TRIML1: variants seen among roughly 807,000 people sequenced by gnomAD.
TRIML1 encodes tripartite motif family like 1, also known as probable E3 ubiquitin-protein ligase TRIML1.
Under a neutral mutation model 32.3 loss-of-function variants are expected in TRIML1, and 34 were observed. The ratio of observed to expected loss-of-function variants is 1.05; its 90% CI spans 0.80 to 1.40. The LOEUF (loss-of-function observed/expected upper bound fraction) is 1.40, where lower values mean the gene tolerates loss of function less well. Among genes scored for constraint, TRIML1 ranks in the 40% most tolerant of loss-of-function variants. The pLI is 0.00. For synonymous variants in TRIML1, 244 were observed against 226.6 expected (o/e 1.08, Z -0.69); for missense variants, 595 against 574.9 (o/e 1.03, Z -0.36).
chr4:188,147,165 C>T lies in TRIML1; in HGVS notation c.1200C>T (p.Val400=). The change falls in exon 6 of 6, where the codon GTC becomes GTT. Residue 400 remains valine (V), a synonymous_variant. Transcript: ENST00000332517. ...WVSSPLKGQH[V]REPVCKVGVF... is the part of the protein sequence containing the mutation. ...CGTCACCTTTGAAAGGTCAGCACGT[C>T]AGAGAGCCTGTGTGTAAGGTTGGTG... The T allele has an allele frequency of 6.2e-7, 1 of 1,614,068 alleles. No individual in the cohort carries two copies. Among genetic ancestry groups the T allele is most frequent in the Non-Finnish European group, 8.5e-7 (1 of 1,180,004 alleles).
Position 188,139,771 on chromosome 4 carries a change from G to C in TRIML1, c.213G>C (p.Leu71=). The C allele has an allele frequency of 6.2e-7, 1 of 1,613,962 alleles. No individual in the cohort carries two copies. The highest frequency in any genetic ancestry group is 8.5e-7 in the Non-Finnish European group (1 of 1,180,012). Reference sequence around the variant, plus strand: ...CGCATTTCCAGTCAAACGAGCGTCTGGGGAGGCTGGCCAGCATCGCCAGGC... The same window carrying C: ...CGCATTTCCAGTCAAACGAGCGTCTCGGGAGGCTGGCCAGCATCGCCAGGC... ...EGPHFQSNER[L]GRLASIARQL... Residue 71 remains leucine, a synonymous_variant, in exon 1 of 6, where the codon CTG becomes CTC. Coordinates refer to ENST00000332517, the MANE Select transcript of TRIML1 (RefSeq NM_178556.5).
intron 4 of TRIML1, 79 bp downstream of exon 4, chr4:188,143,939 G>T (rs932311803): frequency 1.9e-6 from 3 of 1,608,178 alleles, no homozygotes; most frequent in Non-Finnish European, 2.6e-6. Flanking sequence ...GGGATAGGAG[G>T]TCTGCGCTGT....
chr4:188,142,184 C>A, intron 2 of TRIML1, 68 bp from the exon 3 acceptor site: 5 of 1,115,260 alleles, frequency 4.5e-6, no homozygotes, highest in Non-Finnish European at 6.6e-6. Flanking sequence ...CAGACAAGGG[C>A]ATTTCTCTTA....
At chr4:188,149,347 T>A (rs898618311), downstream of TRIML1, among the ~76,000 whole-genome samples, 8 of 152,272 alleles carry the variant, frequency 5.3e-5, no homozygotes, top group East Asian at 1.4e-3. Flanking sequence ...AGACAGTGGA[T>A]ACGATTTAAC....
At chr4:188,148,221 C>T (rs1185506692), downstream of TRIML1, among the ~76,000 whole-genome samples, 2 of 152,108 alleles carry the variant, frequency 1.3e-5, no homozygotes, top group African/African-American at 2.4e-5. Flanking sequence ...TGGCCGGATG[C>T]GGTGGCTCAT....
chr4:188,141,621 C>G (rs1336682864), intron 2 of TRIML1, among the ~76,000 whole-genome samples: 1 of 152,006 alleles, frequency 6.6e-6, no homozygotes, highest in Non-Finnish European at 1.5e-5. Flanking sequence ...GTATCATAGT[C>G]CTGATCACTA....
chr4:188,142,127 A>AG (rs1224595347), intron 2 of TRIML1, 125 bp from the exon 3 acceptor site: 8 of 685,178 alleles, frequency 1.2e-5, no homozygotes, highest in Non-Finnish European at 1.8e-5. Flanking sequence ...AAAAAAAAAA[A>AG]AAAAAGAAAG....
rs867705505 is a variant in TRIML1, at chr4:188,139,646, G to A, written c.88G>A (p.Glu30Lys). The A allele has an allele frequency of 3.1e-6, 5 of 1,614,090 alleles. No individual in the cohort carries two copies. The highest frequency in any genetic ancestry group is 1.7e-5 in the Admixed American group (1 of 60,012). ...LDYFSSPVTT[E>K]CGHSFCLVCL... The stretch of plus-strand genomic sequence containing the variant: ...CTATTTCAGCAGCCCAGTGACCACC[G>A]AGTGTGGGCACAGCTTTTGTCTGGT... The change falls in exon 1 of 6, where the codon GAG (glutamate) becomes AAG (lysine). Residue 30 changes from glutamate to lysine, a missense_variant. By Grantham distance (56) the Glu-to-Lys change is moderately conservative (BLOSUM62 1). Coordinates refer to ENST00000332517, the MANE Select transcript of TRIML1 (RefSeq NM_178556.5).
chr4:188,150,513 T>C (rs1024583033), downstream of TRIML1, among the ~76,000 whole-genome samples: 2 of 152,126 alleles, frequency 1.3e-5, no homozygotes, highest in Non-Finnish European at 2.9e-5. Context: ...CAGCAACCAT[T>C]TGGAATACAT....
At chr4:188,145,860 G>A (rs1379653048) in intron 5 of TRIML1, among the ~76,000 whole-genome samples, 3 of 151,954 alleles carry the variant, frequency 2.0e-5, no homozygotes, top group Non-Finnish European at 4.4e-5. Flanking sequence ...TGTGACTGTC[G>A]GTTCACAGAC....
chr4:188,137,295 C>CTTTTTTT (rs67050879), upstream of TRIML1, among the ~76,000 whole-genome samples: 19 of 58,780 alleles, frequency 3.2e-4, no homozygotes, highest in African/African-American at 4.5e-4. Context: ...TTATTGTAGT[C>CTTTTTTT]TTTTTTTTTT....
chr4:188,149,783 C>A (rs1277494341), downstream of TRIML1, among the ~76,000 whole-genome samples: 2 of 152,054 alleles, frequency 1.3e-5, no homozygotes, highest in Non-Finnish European at 2.9e-5. Context: ...CTGTGGCCCA[C>A]TGTGTTTCCT....
chr4:188,139,602 C>T lies in TRIML1; in HGVS notation c.44C>T (p.Thr15Ile). 1 of 1,609,046 alleles carries T rather than the reference C, an allele frequency of 6.2e-7. No individual in the cohort carries two copies. Residue 15 changes from threonine (T) to isoleucine (I), a missense_variant, in exon 1 of 6, where the codon ACC becomes ATC. Physicochemically the swap from Thr to Ile is moderately conservative, Grantham distance 89. Coordinates refer to ENST00000332517, the MANE Select transcript of TRIML1 (RefSeq NM_178556.5). ...DLMENLREEL[T>I]CFICLDYFSS... ...ATGGAGAACCTCAGGGAGGAACTCA[C>T]CTGTTTCATCTGCTTAGACTATTTC...
downstream of TRIML1, among the ~76,000 whole-genome samples, chr4:188,149,010 T>C (rs531748614): frequency 3.0e-4 from 44 of 147,504 alleles, no homozygotes; most frequent in South Asian, 3.0e-3. Flanking sequence ...GCCTCCTGGG[T>C]TCACGCCATT....
chr4:188,143,991 T>C, intron 4 of TRIML1, 45 bp from the exon 5 acceptor site: 5 of 1,609,030 alleles, frequency 3.1e-6, no homozygotes, highest in Non-Finnish European at 4.3e-6. Context: ...CTGGAGCAGG[T>C]CACGCGGTCT....
intron 5 of TRIML1, among the ~76,000 whole-genome samples, chr4:188,145,517 C>T (rs1020268955): frequency 7.3e-6 from 1 of 136,546 alleles, no homozygotes; most frequent in African/African-American, 2.8e-5. Context: ...CTTGTCTGGA[C>T]AGTGAGTGGA....
At chr4:188,137,625 G>A (rs984052112), upstream of TRIML1, among the ~76,000 whole-genome samples, 2 of 151,862 alleles carry the variant, frequency 1.3e-5, no homozygotes, top group East Asian at 1.9e-4. Context: ...TTACAGGCAT[G>A]TGCCACCATG....
downstream of TRIML1, among the ~76,000 whole-genome samples, chr4:188,149,565 C>A (rs931441329): frequency 2.0e-5 from 3 of 152,118 alleles, no homozygotes; most frequent in Non-Finnish European, 2.9e-5. Context: ...CTTTCTCTTG[C>A]CACTCTATAC....
intron 2 of TRIML1, 124 bp from the exon 3 acceptor site, chr4:188,142,128 A>G (rs1324093639): frequency 4.4e-6 from 3 of 685,020 alleles, no homozygotes; most frequent in African/African-American, 1.9e-5. Flanking sequence ...AAAAAAAAAA[A>G]AAAAGAAAGA....
Sources: allele counts gnomAD v4.1 joint callset (sites outside exome capture counted in the v4.1 genomes callset), GRCh38; gene constraint gnomAD v4.1.1; transcripts MANE v1.5; gene names NCBI Gene and HGNC (gene_info 2026-07-23, HGNC 2026-07-21).